The following GLIS3 variants were observed in gnomAD, a reference collection of about 807,000 sequenced individuals.
GLIS3 encodes the protein GLIS family zinc finger 3, also known as zinc finger protein GLIS3.
Under a neutral mutation model 78.6 loss-of-function variants are expected in GLIS3, and 53 were observed. The observed-to-expected ratio is 0.67, with a 90% CI of 0.54 to 0.85. The LOEUF is 0.85. GLIS3 is among the 40% of genes least tolerant of loss of function. GLIS3 has a pLI of 0.00. For synonymous variants in GLIS3, 684 were observed against 509.9 expected (o/e 1.34, Z -4.60); for missense variants, 1,703 against 1,231.1 (o/e 1.38, Z -5.74).
At chr9:4,327,696 C>G (rs1467932344) in intron 2 of GLIS3, among the ~76,000 whole-genome samples, 1 of 152,246 alleles carries the variant, frequency 6.6e-6, no homozygotes, top group Non-Finnish European at 1.5e-5. Flanking sequence ...GGGGCGCCAT[C>G]CACTTTGCAG....
intron 2 of GLIS3, among the ~76,000 whole-genome samples, chr9:4,261,068 C>G (rs932669636): frequency 7.9e-5 from 12 of 152,182 alleles, no homozygotes; most frequent in African/African-American, 2.9e-4. Context: ...TGTTTAAGCC[C>G]AAGCAGCAAG....
the GLIS3 span, among the ~76,000 whole-genome samples, chr9:4,459,740 C>T: frequency 2.6e-5 from 4 of 152,092 alleles, no homozygotes; most frequent in African/African-American, 9.7e-5. Context: ...CCACTGCAGC[C>T]CATGGCTGCA....
chr9:4,446,456 G>C, the GLIS3 span, among the ~76,000 whole-genome samples: 5 of 150,426 alleles, frequency 3.3e-5, no homozygotes, highest in African/African-American at 1.2e-4. Context: ...GTGTAAGGTA[G>C]TTTGTTGTAG....
chr9:4,180,602 A>T (rs992840672), intron 2 of GLIS3, among the ~76,000 whole-genome samples: 8 of 152,194 alleles, frequency 5.3e-5, no homozygotes, highest in Admixed American at 5.2e-4. Flanking sequence ...TTCCAATTTT[A>T]ATCTGAGGAT....
the GLIS3 span, among the ~76,000 whole-genome samples, chr9:4,449,405 A>G: frequency 6.6e-6 from 1 of 152,222 alleles, no homozygotes; most frequent in Admixed American, 6.5e-5. Context: ...ATAGTTGAAC[A>G]AAAGGCAGCA....
At chr9:3,862,023 G>T (rs1409208853) in intron 8 of GLIS3, among the ~76,000 whole-genome samples, 2 of 152,152 alleles carry the variant, frequency 1.3e-5, no homozygotes, top group East Asian at 1.9e-4. Context: ...GTTAATGTTG[G>T]TCTTGTGTAT....
intron 4 of GLIS3, among the ~76,000 whole-genome samples, chr9:4,109,735 A>ACT (rs1265056086): frequency 3.9e-5 from 6 of 152,144 alleles, no homozygotes; most frequent in Non-Finnish European, 7.4e-5. Flanking sequence ...GTCCTTCATG[A>ACT]CTTCCTCCAG....
At chr9:4,065,053 C>T (rs1448259238) in intron 4 of GLIS3, among the ~76,000 whole-genome samples, 1 of 152,154 alleles carries the variant, frequency 6.6e-6, no homozygotes, top group South Asian at 2.1e-4. Context: ...CTAGAAACTA[C>T]AAAAGGCCAA....
intron 2 of GLIS3, among the ~76,000 whole-genome samples, chr9:4,322,816 G>C (rs138489600): frequency 0.068 from 10,374 of 152,160 alleles, 1,173 homozygotes; most frequent in African/African-American, 0.23. Context: ...TATTAGCCCT[G>C]TGTCAGATGG....
chr9:3,898,604 A>T (rs773277946), intron 7 of GLIS3, 87 bp downstream of exon 7: 1 of 1,549,828 alleles, frequency 6.5e-7, no homozygotes, highest in East Asian at 2.2e-5. Flanking sequence ...TCTTAGGAAA[A>T]TTTTTCTCAC....
chr9:3,884,093 C>T (rs983616794), intron 7 of GLIS3, among the ~76,000 whole-genome samples: 25 of 152,322 alleles, frequency 1.6e-4, no homozygotes, highest in African/African-American at 5.8e-4. Flanking sequence ...TCATAGGCTA[C>T]CAGAGCATTC....
At chr9:4,276,912 C>T (rs1384776463) in intron 2 of GLIS3, among the ~76,000 whole-genome samples, 2 of 152,108 alleles carry the variant, frequency 1.3e-5, no homozygotes, top group African/African-American at 2.4e-5. Context: ...TGTCTTTGGT[C>T]TCTGGCTGTT....
chr9:3,852,099 C>T (rs892070610), intron 9 of GLIS3, among the ~76,000 whole-genome samples: 4 of 150,756 alleles, frequency 2.7e-5, no homozygotes, highest in Non-Finnish European at 5.9e-5. Flanking sequence ...GAGCCAAGAA[C>T]GTGTCACGGT....
At chr9:4,348,592 C>A (rs1429185849), upstream of GLIS3, among the ~76,000 whole-genome samples, 1 of 152,110 alleles carries the variant, frequency 6.6e-6, no homozygotes, top group Non-Finnish European at 1.5e-5. Context: ...ATAATATAGT[C>A]CCATTTAAAT....
chr9:4,162,872 A>G (rs1835600651), intron 2 of GLIS3, among the ~76,000 whole-genome samples: 1 of 148,974 alleles, frequency 6.7e-6, no homozygotes, highest in Non-Finnish European at 1.5e-5. Context: ...AAAAAAAAAA[A>G]AAAAAAAAAT....
chr9:4,363,370 C>G, the GLIS3 span, among the ~76,000 whole-genome samples: 1 of 152,140 alleles, frequency 6.6e-6, no homozygotes, highest in South Asian at 2.1e-4. Context: ...TTGCAGTGAG[C>G]TGAGATGGCA....
At chr9:4,054,291 G>A (rs1825959880) in intron 4 of GLIS3, 4 of 970,688 alleles carry the variant, frequency 4.1e-6, no homozygotes, top group African/African-American at 1.8e-5. Context: ...ACCAGAGCCT[G>A]CAAACAACGT....
chr9:4,275,409 T>C (rs1440152186), intron 2 of GLIS3, among the ~76,000 whole-genome samples: 4 of 152,162 alleles, frequency 2.6e-5, no homozygotes, highest in East Asian at 3.8e-4. Flanking sequence ...TGAACTCCTA[T>C]AGCAAAAGAT....
chr9:4,275,554 G>C (rs1401962289), intron 2 of GLIS3, among the ~76,000 whole-genome samples: 1 of 150,560 alleles, frequency 6.6e-6, no homozygotes, highest in Non-Finnish European at 1.5e-5. Context: ...GAGCCTAGGA[G>C]TTTGAGACCA....
Sources: allele counts gnomAD v4.1 joint callset (sites outside exome capture counted in the v4.1 genomes callset), GRCh38; gene constraint gnomAD v4.1.1; transcripts MANE v1.5; gene names NCBI Gene and HGNC (gene_info 2026-07-23, HGNC 2026-07-21).